HMCN1: variants seen among roughly 807,000 people sequenced by gnomAD.
HMCN1 encodes the protein hemicentin-1.
Under a neutral mutation model 625.9 loss-of-function variants are expected in HMCN1, and 321 were observed. That is an observed-to-expected ratio of 0.51 (90% CI 0.47 to 0.56). The LOEUF is 0.56. HMCN1 is among the 20% of genes least tolerant of loss of function. The probability of loss-of-function intolerance (pLI) is 0.00; values close to 1 mark genes in which losing one functional copy is unlikely to be tolerated. For synonymous variants in HMCN1, 2,425 were observed against 2,417.6 expected, an observed-to-expected ratio of 1.00 and a Z score of -0.09; for missense variants, 6,588 against 6,887.3, an observed-to-expected ratio of 0.96 and a Z score of 1.54.
intron 1 of HMCN1, among the ~76,000 whole-genome samples, chr1:185,755,475 G>A (rs2102105698): frequency 6.6e-6 from 1 of 152,278 alleles, no homozygotes; most frequent in South Asian, 2.1e-4. Context: ...GTCTTTCACT[G>A]GTTTTCCACC....
At chr1:186,100,473 A>G (rs1203030168) in intron 68 of HMCN1, among the ~76,000 whole-genome samples, 1 of 152,148 alleles carries the variant, frequency 6.6e-6, no homozygotes, top group East Asian at 1.9e-4. Flanking sequence ...AAGGGACAGC[A>G]TATTACAAAA....
At chr1:185,941,989 C>T (rs1358091871) in intron 11 of HMCN1, among the ~76,000 whole-genome samples, 1 of 151,786 alleles carries the variant, frequency 6.6e-6, no homozygotes, top group Admixed American at 6.6e-5. Flanking sequence ...GTCAGGAGTT[C>T]GAGACCAGCC....
chr1:185,898,197 A>C (rs1260052613), intron 4 of HMCN1, among the ~76,000 whole-genome samples: 3 of 152,100 alleles, frequency 2.0e-5, no homozygotes, highest in Non-Finnish European at 2.9e-5. Context: ...TGGGATGCTA[A>C]AAGTTAATTA....
rs368275873 is a variant in HMCN1, at chr1:185,813,916, G to T, written c.269-32110G>T. Among the ~76,000 whole-genome samples the T allele has an allele frequency of 5.3e-4, 81 of 152,246 alleles. 2 individuals are homozygous for T. In the East Asian group the frequency reaches 0.015, roughly 28 times the overall value. On this transcript the variant is annotated intron_variant, in intron 1 of 106. Transcript: ENST00000271588. ...AGTTTAGACTCATCTTGGAGAAAGA[G>T]TGAAAAAATAATGAGTGAATGAATA... is the stretch of plus-strand genomic sequence containing the variant.
chr1:185,909,388 T>C lies in HMCN1; in HGVS notation c.673T>C (p.Ser225Pro). The C allele has an allele frequency of 1.2e-6, 2 of 1,613,332 alleles. No homozygotes were observed. The highest frequency in any genetic ancestry group is 1.7e-6 in the Non-Finnish European group (2 of 1,179,346). ...AVQASKVHLL[S>P]TDHLEQAVNT... is the part of the protein sequence containing the mutation. ...ACAGGCCTCCAAAGTTCACCTTTTA[T>C]CCACAGATCATTTGGAACAGGCTGT... Residue 225 changes from serine to proline, a missense_variant, in exon 5 of 107, where the codon TCC (serine) becomes CCC (proline). Ser to Pro is a moderately conservative substitution (Grantham distance 74, BLOSUM62 -1). This residue lies in a region of HMCN1 where 4,628 missense variants were observed against 4,853.1 expected (regional missense o/e 0.95). Coordinates refer to ENST00000271588, the MANE Select transcript of HMCN1 (RefSeq NM_031935.3).
At chr1:186,144,099 A>G in intron 89 of HMCN1, 74 bp from the exon 90 acceptor site, 1 of 1,383,272 alleles carries the variant, frequency 7.2e-7, no homozygotes, top group Non-Finnish European at 9.8e-7. Context: ...TTACTGAGTT[A>G]ATTTATTTAT....
At chr1:186,157,436 A>G (rs1440448005) in intron 97 of HMCN1, among the ~76,000 whole-genome samples, 1 of 152,252 alleles carries the variant, frequency 6.6e-6, no homozygotes, top group African/African-American at 2.4e-5. Flanking sequence ...AAGTAGTTGT[A>G]TACTCAAACA....
intron 97 of HMCN1, among the ~76,000 whole-genome samples, chr1:186,156,057 G>A (rs1034502335): frequency 2.6e-5 from 4 of 152,052 alleles, no homozygotes; most frequent in Admixed American, 2.6e-4. Context: ...AGTACTGGTC[G>A]AGAAAACTCA....
intron 40 of HMCN1, among the ~76,000 whole-genome samples, chr1:186,044,342 G>A (rs1052494112): frequency 6.6e-6 from 1 of 152,144 alleles, no homozygotes; most frequent in Admixed American, 6.5e-5. Flanking sequence ...CAGCCATTGT[G>A]CAGTGTGTTT....
Position 186,132,380 on chromosome 1 carries a change from TG to T in HMCN1, c.13285del (p.Glu4429SerfsTer4). 8 of 1,612,594 alleles carry T rather than the reference TG, an allele frequency of 5.0e-6. No individual in the cohort carries two copies. Among genetic ancestry groups the T allele is most frequent in the Non-Finnish European group, 6.8e-6 (8 of 1,179,266 alleles). ...TCVATNEAGV[V>X]ERSMSLTLQS... ...GTAGCTACCAATGAAGCTGGGGTGG[TG>T]GAGCGCAGCATGAGTCTGACTCTGC... On this transcript the variant is annotated frameshift_variant, in exon 86 of 107. Coordinates refer to ENST00000271588, the MANE Select transcript of HMCN1 (RefSeq NM_031935.3). LOFTEE classifies it high-confidence loss of function.
chr1:185,980,440 G>T (rs544626342), intron 16 of HMCN1, among the ~76,000 whole-genome samples: 21 of 152,328 alleles, frequency 1.4e-4, no homozygotes, highest in African/African-American at 5.1e-4. Flanking sequence ...ACACATTTCA[G>T]TGGGAGCTTC....
At chr1:185,930,129 G>C (rs1667469051) in intron 10 of HMCN1, among the ~76,000 whole-genome samples, 1 of 152,156 alleles carries the variant, frequency 6.6e-6, no homozygotes, top group African/African-American at 2.4e-5. Flanking sequence ...TGCCCTTCTA[G>C]TAGCCATCTG....
At chr1:186,185,512 T>C (rs1461662790) in intron 105 of HMCN1, among the ~76,000 whole-genome samples, 1 of 152,202 alleles carries the variant, frequency 6.6e-6, no homozygotes, top group African/African-American at 2.4e-5. Context: ...TTCATTCCTG[T>C]AGGAAAGCTA....
chr1:185,846,208 C>G, intron 2 of HMCN1, 112 bp downstream of exon 2: 1 of 756,160 alleles, frequency 1.3e-6, no homozygotes, highest in Middle Eastern at 2.4e-4. Flanking sequence ...TTTAAGGGAC[C>G]CAATAATTGC....
At position 186,040,295 on chromosome 1, in the gene HMCN1, CA is replaced by C. The variant is rs566305711; in HGVS notation, c.6180+421del. Reference sequence around the variant, plus strand: ...ACTACACAGAGCATATATACTTCTACAAAAACATCAAGTAATATAGTAAGAA... The same window carrying C: ...ACTACACAGAGCATATATACTTCTACAAAACATCAAGTAATATAGTAAGAA... On this transcript the variant is annotated intron_variant, in intron 39 of 106. Transcript: ENST00000271588. 1.0e-3 allele frequency among the ~76,000 whole-genome samples: 157 copies of C among 151,946 alleles called. 1 individual carries two copies. The highest frequency in any genetic ancestry group is 3.6e-3 in the African/African-American group (151 of 41,456).
rs1364268399 is a variant in HMCN1 at position 186,106,926 on chromosome 1, G to A, written c.10813G>A (p.Ala3605Thr). 1.2e-6 allele frequency: 2 copies of A among 1,612,756 alleles called. No individual in the cohort carries two copies. The highest frequency in any genetic ancestry group is 1.7e-6 in the Non-Finnish European group (2 of 1,178,876). Residue 3605 changes from alanine to threonine, a missense_variant, in exon 70 of 107, where the codon GCA becomes ACA. Coordinates refer to ENST00000271588, the MANE Select transcript of HMCN1 (RefSeq NM_031935.3). ...ATATACATGTCTGGCATCCAGTCCT[G>A]CAGGAGATGATGATAAGGAATATCT... ...GRYTCLASSP[A>T]GDDDKEYLVR...
chr1:186,171,551 T>C (rs568706976), intron 101 of HMCN1, 101 bp downstream of exon 101: 6 of 931,162 alleles, frequency 6.4e-6, no homozygotes, highest in Admixed American at 5.3e-5. Context: ...GGTTCCTATA[T>C]AGGACATCAA....
chr1:185,747,036 A>T (rs1341451251), intron 1 of HMCN1, among the ~76,000 whole-genome samples: 2 of 151,946 alleles, frequency 1.3e-5, no homozygotes, highest in Non-Finnish European at 2.9e-5. Flanking sequence ...GTGCTGGAGG[A>T]TAGGACTTTA....
chr1:185,778,352 T>G (rs1313608729), intron 1 of HMCN1, among the ~76,000 whole-genome samples: 1 of 152,146 alleles, frequency 6.6e-6, no homozygotes, highest in African/African-American at 2.4e-5. Flanking sequence ...TTCATTTTTT[T>G]TTTTTTAATT....
Sources: allele counts gnomAD v4.1 joint callset (sites outside exome capture counted in the v4.1 genomes callset), GRCh38; gene constraint gnomAD v4.1.1; regional missense constraint gnomAD v4.1.1; transcripts MANE v1.5; gene names NCBI Gene and HGNC (gene_info 2026-07-23, HGNC 2026-07-21).